The following NPEPPS variants were observed in gnomAD, a reference collection of about 807,000 sequenced individuals.
NPEPPS encodes the protein puromycin-sensitive aminopeptidase.
In NPEPPS, 14 loss-of-function variants were observed where a neutral mutation model predicts 115.5. The ratio of observed to expected loss-of-function variants is 0.12; its 90% confidence interval spans 0.08 to 0.19. NPEPPS has a LOEUF of 0.19. Ranked by LOEUF, NPEPPS falls within the 10% of genes least tolerant of loss-of-function variation. The pLI, the probability that NPEPPS is intolerant of heterozygous loss-of-function variation, is 1.00. For missense variants in NPEPPS, 523 were observed against 1,110.8 expected (o/e 0.47, Z 7.52); for synonymous variants, 285 against 390.6 (o/e 0.73, Z 3.19).
At chr17:47,553,967 G>T (rs1909826866) in intron 2 of NPEPPS, among the ~76,000 whole-genome samples, 1 of 151,498 alleles carries the variant, frequency 6.6e-6, no homozygotes. Flanking sequence ...AGCCAGGATG[G>T]TCTCCATCTT....
At chr17:47,553,253 A>G (rs544673096) in intron 2 of NPEPPS, among the ~76,000 whole-genome samples, 1 of 151,670 alleles carries the variant, frequency 6.6e-6, no homozygotes, top group Non-Finnish European at 1.5e-5. Flanking sequence ...GGCGCCTGTA[A>G]TCCTAGCTAC....
intron 2 of NPEPPS, among the ~76,000 whole-genome samples, chr17:47,553,896 G>A (rs951794775): frequency 6.6e-6 from 1 of 150,998 alleles, no homozygotes; most frequent in Admixed American, 6.6e-5. Flanking sequence ...GACTACAGGC[G>A]CATGCCACCA....
intron 21 of NPEPPS, 180 bp from the exon 22 acceptor site, chr17:47,619,554 CAAA>C: frequency 2.1e-6 from 1 of 471,982 alleles, no homozygotes; most frequent in Non-Finnish European, 3.8e-6. Flanking sequence ...AACTCCGTCT[CAAA>C]AAAAAAAAAG....
At chr17:47,594,591 T>TTTATTTTATGTTATG (rs1173846090) in intron 12 of NPEPPS, among the ~76,000 whole-genome samples, 29 of 138,296 alleles carry the variant, frequency 2.1e-4, no homozygotes, top group South Asian at 4.8e-4. Context: ...TGTATTTTAT[T>TTTATTTTATGTTATG]TTATGTTATG....
chr17:47,543,891 G>GTTTGTTTATTTATTTATTTA (rs1555603402), intron 1 of NPEPPS, among the ~76,000 whole-genome samples: 12 of 141,116 alleles, frequency 8.5e-5, no homozygotes, highest in African/African-American at 2.8e-4. Flanking sequence ...TTGTTTGTTT[G>GTTTGTTTATTTATTTATTTA]TTTATTTATT....
At chr17:47,601,073 A>C (rs1913165784) in intron 14 of NPEPPS, among the ~76,000 whole-genome samples, 1 of 152,034 alleles carries the variant, frequency 6.6e-6, no homozygotes, top group African/African-American at 2.4e-5. Context: ...TAAAGTACAA[A>C]AAAATATTGT....
At chr17:47,575,110 T>C (rs1911432054) in intron 3 of NPEPPS, among the ~76,000 whole-genome samples, 2 of 152,374 alleles carry the variant, frequency 1.3e-5, no homozygotes, top group Admixed American at 1.3e-4. Context: ...ACATAGTACA[T>C]TTACATAATT....
chr17:47,619,356 C>A, intron 21 of NPEPPS, 192 bp downstream of exon 21: 1 of 605,554 alleles, frequency 1.7e-6, no homozygotes, highest in South Asian at 1.8e-5. Flanking sequence ...GAGTTCGAGA[C>A]TATCCTGGCC....
intron 1 of NPEPPS, among the ~76,000 whole-genome samples, chr17:47,541,026 C>T (rs191731844): frequency 6.6e-6 from 1 of 152,232 alleles, no homozygotes; most frequent in Non-Finnish European, 1.5e-5. Context: ...AGATGAGTTT[C>T]CCTTAAACAC....
intron 1 of NPEPPS, among the ~76,000 whole-genome samples, chr17:47,532,776 C>T (rs1907916558): frequency 6.6e-6 from 1 of 151,998 alleles, no homozygotes; most frequent in African/African-American, 2.4e-5. Context: ...CCACTCCCTC[C>T]TCCCGCAGCA....
chr17:47,527,893 A>G (rs1597799307), upstream of NPEPPS, among the ~76,000 whole-genome samples: 1 of 147,804 alleles, frequency 6.8e-6, no homozygotes, highest in African/African-American at 2.5e-5. Flanking sequence ...AGGTTGCAGG[A>G]GCCAATATCA....
At chr17:47,557,619 A>C (rs1178324422) in intron 2 of NPEPPS, 2 of 149,082 alleles carry the variant, frequency 1.3e-5, no homozygotes, top group East Asian at 4.0e-4. Context: ...TTAATCCTAA[A>C]AATGTACTGC....
At chr17:47,609,727 G>A (rs922392565) in intron 17 of NPEPPS, among the ~76,000 whole-genome samples, 1 of 152,042 alleles carries the variant, frequency 6.6e-6, no homozygotes, top group Non-Finnish European at 1.5e-5. Context: ...TGAGCCTCCC[G>A]TGCCTACCCC....
chr17:47,586,653 C>T, intron 8 of NPEPPS: 1 of 567,590 alleles, frequency 1.8e-6, no homozygotes, highest in Non-Finnish European at 3.3e-6. Flanking sequence ...CTAAGTTTCT[C>T]ATTGCAGTAG....
intron 1 of NPEPPS, among the ~76,000 whole-genome samples, chr17:47,535,254 A>C (rs1908134585): frequency 1.7e-5 from 1 of 58,208 alleles, no homozygotes; most frequent in Admixed American, 2.3e-4. Flanking sequence ...AAAAAAAAAA[A>C]AAAAAAAAAA....
chr17:47,608,089 C>T (rs1182811391), intron 17 of NPEPPS, among the ~76,000 whole-genome samples: 1 of 152,010 alleles, frequency 6.6e-6, no homozygotes, highest in Non-Finnish European at 1.5e-5. Flanking sequence ...AAATTCTCCT[C>T]CCTCAGCATC....
At chr17:47,543,538 G>C (rs1196440139) in intron 1 of NPEPPS, among the ~76,000 whole-genome samples, 37 of 149,668 alleles carry the variant, frequency 2.5e-4, no homozygotes, top group African/African-American at 9.2e-4. Context: ...TGTTGGTCAG[G>C]CTGGTGTTGA....
upstream of NPEPPS, among the ~76,000 whole-genome samples, chr17:47,526,852 C>G (rs1432674247): frequency 2.0e-5 from 3 of 151,746 alleles, no homozygotes; most frequent in Non-Finnish European, 2.9e-5. Flanking sequence ...CAGCTACTCG[C>G]GAGGCTGAGG....
At chr17:47,591,187 T>C (rs112784718) in intron 10 of NPEPPS, among the ~76,000 whole-genome samples, 1 of 151,940 alleles carries the variant, frequency 6.6e-6, no homozygotes, top group African/African-American at 2.4e-5. Context: ...GCCTGACCAA[T>C]ATGGAGAAAC....
Sources: gnomAD v4.1 joint callset for allele counts (sites outside exome capture counted in the v4.1 genomes callset) on GRCh38, gnomAD v4.1.1 for gene constraint, MANE v1.5 for transcripts, NCBI Gene and HGNC (gene_info 2026-07-23, HGNC 2026-07-21) for gene names.